Variants in STK3 observed in about 807,000 individuals in gnomAD.
STK3 encodes the protein serine/threonine-protein kinase 3.
In STK3, 41 loss-of-function variants were observed where a neutral mutation model predicts 58.0. The observed-to-expected ratio is 0.71, with a 90% CI of 0.55 to 0.92. STK3 has a LOEUF of 0.92. STK3 is among the 40% of genes least tolerant of loss of function. The pLI, the probability that STK3 is intolerant of heterozygous loss-of-function variation, is 0.00. For missense variants in STK3, 479 were observed against 602.7 expected (o/e 0.79, Z 2.15); for synonymous variants, 170 against 191.0 (o/e 0.89, Z 0.91).
At chr8:98,674,067 A>G (rs1823025625) in intron 6 of STK3, among the ~76,000 whole-genome samples, 1 of 152,194 alleles carries the variant, frequency 6.6e-6, no homozygotes, top group African/African-American at 2.4e-5. Flanking sequence ...CCTCCAAAAG[A>G]GACACTCAGA....
At chr8:98,453,076 T>C (rs1277627796), downstream of STK3, among the ~76,000 whole-genome samples, 1 of 98,722 alleles carries the variant, frequency 1.0e-5, no homozygotes, top group Non-Finnish European at 2.0e-5. Context: ...TTGATTTCTT[T>C]CTTGTTTTTT....
chr8:98,834,371 G>A (rs1257805615), intron 3 of STK3, among the ~76,000 whole-genome samples: 2 of 152,006 alleles, frequency 1.3e-5, no homozygotes, highest in Non-Finnish European at 2.9e-5. Flanking sequence ...TATTAATTTT[G>A]TCTCCACTTC....
At chr8:98,652,878 T>C (rs1162518423) in intron 6 of STK3, among the ~76,000 whole-genome samples, 2 of 151,862 alleles carry the variant, frequency 1.3e-5, no homozygotes, top group Non-Finnish European at 2.9e-5. Flanking sequence ...CACACAATAA[T>C]AATGGGAGAC....
chr8:98,376,284 G>T (rs1817673463), intron 2 of STK3, among the ~76,000 whole-genome samples: 2 of 152,164 alleles, frequency 1.3e-5, no homozygotes, highest in Non-Finnish European at 2.9e-5. Context: ...CTGTCTTACT[G>T]TTGAGTTTTG....
Position 98,908,791 on chromosome 8 carries a change from C to T in STK3, c.-78-24957G>A, listed in dbSNP as rs79633577. The stretch of plus-strand genomic sequence containing the variant: ...CCGGGAGGCGGAGGTTGCAGTGAGC[C>T]GAGATAACACCATTGCATTCCAGCC... On this transcript the variant is annotated intron_variant, in intron 1 of 1. Transcript: ENST00000519420. 1.9e-3 allele frequency among the ~76,000 whole-genome samples: 271 copies of T among 141,954 alleles called. 4 individuals are homozygous for T. The East Asian group carries it at 0.034, about 18-fold the overall frequency. 93.1% of individuals were successfully genotyped at this position (141,954 alleles called of 152,430 possible). A position where few individuals can be genotyped will look rare whatever the true frequency, so the allele number is the denominator to read the frequency against.
chr8:98,500,203 TAA>T (rs988830362), intron 10 of STK3, among the ~76,000 whole-genome samples: 2 of 151,704 alleles, frequency 1.3e-5, no homozygotes, highest in Admixed American at 1.3e-4. Flanking sequence ...AAGAAACAGA[TAA>T]GAGAGAAAAG....
chr8:98,569,211 A>G (rs191727530), intron 8 of STK3, among the ~76,000 whole-genome samples: 112 of 152,336 alleles, frequency 7.4e-4, no homozygotes, highest in Middle Eastern at 6.8e-3. Flanking sequence ...TTAAGGGTAA[A>G]TGTACAATAA....
chr8:98,919,317 C>A (rs1186267026), intron 1 of STK3, among the ~76,000 whole-genome samples: 4 of 152,112 alleles, frequency 2.6e-5, no homozygotes, highest in African/African-American at 7.2e-5. Flanking sequence ...ATTCACCTAC[C>A]CACAAATCAG....
At chr8:98,463,595 A>G (rs1207544258) in intron 10 of STK3, among the ~76,000 whole-genome samples, 1 of 152,152 alleles carries the variant, frequency 6.6e-6, no homozygotes. Context: ...ATTACTGATC[A>G]GAAAGAGTTG....
chr8:98,669,160 C>T lies in STK3; in HGVS notation c.684+37307G>A, dbSNP rs574667959. 2.6e-5 allele frequency among the ~76,000 whole-genome samples: 4 copies of T among 152,044 alleles called. No homozygotes were observed. The South Asian group carries it at 8.3e-4, about 32-fold the overall frequency. On this transcript the variant is annotated intron_variant, in intron 6 of 10. Transcript: ENST00000419617. Reference sequence around the variant, plus strand: ...TACAGGCACGCACCACCACACCTGGCTAATTTTTGTATTCTTACTAGAGAT... The same window carrying T: ...TACAGGCACGCACCACCACACCTGGTTAATTTTTGTATTCTTACTAGAGAT...
chr8:98,403,402 A>G (rs1817963521), intron 3 of STK3, among the ~76,000 whole-genome samples: 1 of 152,206 alleles, frequency 6.6e-6, no homozygotes, highest in Non-Finnish European at 1.5e-5. Context: ...AGGTGATCCC[A>G]GGAAGCCCCA....
chr8:98,473,196 T>A (rs1821054617), intron 10 of STK3, among the ~76,000 whole-genome samples: 1 of 152,158 alleles, frequency 6.6e-6, no homozygotes, highest in South Asian at 2.1e-4. Context: ...TTTCTGAATA[T>A]AAGCAATGCC....
At chr8:98,721,717 T>A (rs1827440301) in intron 4 of STK3, among the ~76,000 whole-genome samples, 1 of 152,196 alleles carries the variant, frequency 6.6e-6, no homozygotes, top group South Asian at 2.1e-4. Flanking sequence ...ACTGCTCTAA[T>A]TATCAAAGAA....
chr8:98,394,422 T>A (rs1460604516), intron 3 of STK3, among the ~76,000 whole-genome samples: 1 of 152,142 alleles, frequency 6.6e-6, no homozygotes, highest in African/African-American at 2.4e-5. Context: ...GGCTCACACT[T>A]GTCATCCCAG....
intron 1 of STK3, among the ~76,000 whole-genome samples, chr8:98,913,650 G>A (rs1839233431): frequency 6.6e-6 from 1 of 152,262 alleles, no homozygotes; most frequent in African/African-American, 2.4e-5. Context: ...GTACAAACCT[G>A]TTGCACCACA....
chr8:98,759,169 T>C (rs1415212056), intron 3 of STK3, among the ~76,000 whole-genome samples: 1 of 152,250 alleles, frequency 6.6e-6, no homozygotes, highest in Non-Finnish European at 1.5e-5. Context: ...AGCTTTCAGC[T>C]TATTTCGGCT....
At chr8:98,631,271 T>C (rs776651884) in intron 6 of STK3, among the ~76,000 whole-genome samples, 33 of 152,172 alleles carry the variant, frequency 2.2e-4, no homozygotes, top group Non-Finnish European at 3.8e-4. Context: ...AACCCTGCAA[T>C]GGTTTCCTGT....
Position 98,640,854 on chromosome 8 carries a change from T to C in STK3, c.685-44685A>G, listed in dbSNP as rs1354537606. ...ACTATAAAATCTAATTTTTAGCTCA[T>C]TGAAAAAACATAAAAAAGGATGATC... On this transcript the variant is annotated intron_variant, in intron 6 of 10. Transcript: ENST00000419617. Among the ~76,000 whole-genome samples, 6 of 151,414 alleles carry C rather than the reference T, an allele frequency of 4.0e-5. No homozygotes were observed. The East Asian group carries it at 5.8e-4, about 15-fold the overall frequency.
chr8:98,699,337 C>T (rs1283093309), intron 6 of STK3, among the ~76,000 whole-genome samples: 8 of 152,242 alleles, frequency 5.3e-5, no homozygotes, highest in Middle Eastern at 3.4e-3. Flanking sequence ...GTAGTTTGAT[C>T]GTCTGAAGCC....
Sources: gnomAD v4.1 joint callset for allele counts (sites outside exome capture counted in the v4.1 genomes callset) on GRCh38, gnomAD v4.1.1 for gene constraint, MANE v1.5 for transcripts, NCBI Gene and HGNC (gene_info 2026-07-23, HGNC 2026-07-21) for gene names.